Variants in PPP1R9A observed in about 807,000 individuals in gnomAD.
PPP1R9A encodes the protein neurabin-1.
In PPP1R9A, 59 loss-of-function variants were observed where a neutral mutation model predicts 141.9. The observed-to-expected ratio is 0.42, with a 90% CI of 0.34 to 0.52. PPP1R9A has a LOEUF of 0.52. Ranked by LOEUF, PPP1R9A falls within the 20% of genes least tolerant of loss-of-function variation. The probability of loss-of-function intolerance (pLI) is 0.10; values close to 1 mark genes in which losing one functional copy is unlikely to be tolerated. For missense variants in PPP1R9A, 1,444 were observed against 1,611.9 expected, an observed-to-expected ratio of 0.90 and a Z score of 1.78; for synonymous variants, 500 against 569.7, an observed-to-expected ratio of 0.88 and a Z score of 1.74.
At chr7:95,164,369 T>A (rs1469745041) in intron 5 of PPP1R9A, among the ~76,000 whole-genome samples, 5 of 152,230 alleles carry the variant, frequency 3.3e-5, no homozygotes, top group Non-Finnish European at 7.3e-5. Context: ...ATATGATTTG[T>A]AATCCTTTAT....
intron 2 of PPP1R9A, among the ~76,000 whole-genome samples, chr7:95,075,688 T>A (rs1229664112): frequency 1.3e-5 from 2 of 151,898 alleles, no homozygotes; most frequent in Non-Finnish European, 2.9e-5. Flanking sequence ...ACAAAAAAAA[T>A]TAGCCTGGTG....
chr7:95,159,111 T>C (rs901218178), intron 4 of PPP1R9A, among the ~76,000 whole-genome samples: 1 of 152,192 alleles, frequency 6.6e-6, no homozygotes, highest in Non-Finnish European at 1.5e-5. Flanking sequence ...CAATATTTTA[T>C]TATACCTAAA....
intron 2 of PPP1R9A, among the ~76,000 whole-genome samples, chr7:95,106,222 C>T (rs776451417): frequency 2.0e-5 from 3 of 152,192 alleles, no homozygotes; most frequent in Non-Finnish European, 2.9e-5. Flanking sequence ...AGCATAATTA[C>T]ATGGACTATT....
At chr7:95,153,672 AC>A (rs1829110996) in intron 4 of PPP1R9A, among the ~76,000 whole-genome samples, 1 of 152,234 alleles carries the variant, frequency 6.6e-6, no homozygotes, top group African/African-American at 2.4e-5. Flanking sequence ...TTTATGTGGT[AC>A]ATGTGATATT....
chr7:95,067,460 C>T (rs1813105785), intron 2 of PPP1R9A, among the ~76,000 whole-genome samples: 1 of 152,086 alleles, frequency 6.6e-6, no homozygotes, highest in Non-Finnish European at 1.5e-5. Context: ...TTTGGAATGC[C>T]TAGGGCTGAA....
intron 8 of PPP1R9A, among the ~76,000 whole-genome samples, chr7:95,241,024 C>T (rs1346288249): frequency 2.0e-5 from 3 of 152,072 alleles, no homozygotes. Context: ...TATTTAGGTG[C>T]CTCGTGTCCA....
At chr7:95,027,099 G>A (rs2151780297) in intron 2 of PPP1R9A, among the ~76,000 whole-genome samples, 1 of 152,262 alleles carries the variant, frequency 6.6e-6, no homozygotes, top group African/African-American at 2.4e-5. Flanking sequence ...GAATGGTTCT[G>A]TCTTGCTGGT....
intron 19 of PPP1R9A, 46 bp from the exon 20 acceptor site, chr7:95,290,045 G>A: frequency 6.2e-7 from 1 of 1,605,100 alleles, no homozygotes; most frequent in Non-Finnish European, 8.5e-7. Flanking sequence ...CCATCAGAGG[G>A]CTCATTGGTT....
intron 5 of PPP1R9A, among the ~76,000 whole-genome samples, chr7:95,195,666 A>G (rs1048819970): frequency 6.6e-6 from 1 of 152,168 alleles, no homozygotes; most frequent in Non-Finnish European, 1.5e-5. Context: ...AGGACGAGTT[A>G]ATAAATAAAT....
intron 2 of PPP1R9A, among the ~76,000 whole-genome samples, chr7:94,934,275 A>T (rs1666850523): frequency 6.6e-6 from 1 of 152,200 alleles, no homozygotes; most frequent in Admixed American, 6.5e-5. Flanking sequence ...TATCAGACTC[A>T]CACTGACAGT....
intron 2 of PPP1R9A, among the ~76,000 whole-genome samples, chr7:94,979,062 G>T (rs1799791715): frequency 6.6e-6 from 1 of 152,166 alleles, no homozygotes; most frequent in Non-Finnish European, 1.5e-5. Flanking sequence ...CCCACAAAGT[G>T]CTGGGATTAT....
intron 7 of PPP1R9A, among the ~76,000 whole-genome samples, chr7:95,224,622 T>C (rs1232414612): frequency 6.6e-6 from 1 of 152,132 alleles, no homozygotes; most frequent in Non-Finnish European, 1.5e-5. Flanking sequence ...AAGAGAAATC[T>C]GAAGGCAATT....
intron 2 of PPP1R9A, among the ~76,000 whole-genome samples, chr7:94,956,850 C>A (rs976362972): frequency 1.5e-4 from 23 of 152,088 alleles, no homozygotes; most frequent in African/African-American, 5.6e-4. Context: ...TAGAAATCAA[C>A]CAGATGAGCT....
chr7:94,957,954 T>C (rs1797241148), intron 2 of PPP1R9A, among the ~76,000 whole-genome samples: 1 of 152,136 alleles, frequency 6.6e-6, no homozygotes, highest in Admixed American at 6.6e-5. Context: ...AGCTTTCTAA[T>C]CTACTCATTT....
chr7:95,259,011 A>G (rs1021616894), intron 12 of PPP1R9A, among the ~76,000 whole-genome samples: 1 of 152,220 alleles, frequency 6.6e-6, no homozygotes, highest in Non-Finnish European at 1.5e-5. Context: ...CATTGTTTGT[A>G]TAGCTGCAGT....
intron 8 of PPP1R9A, among the ~76,000 whole-genome samples, chr7:95,230,543 A>G (rs1456243274): frequency 6.6e-6 from 1 of 152,098 alleles, no homozygotes; most frequent in Non-Finnish European, 1.5e-5. Flanking sequence ...GTAGAATCAA[A>G]CAAGCAGAAG....
At chr7:95,149,328 A>G (rs73220028) in intron 4 of PPP1R9A, among the ~76,000 whole-genome samples, 18,341 of 152,160 alleles carry the variant, frequency 0.12, 1,231 homozygotes, top group East Asian at 0.19. Context: ...TCCTGCTAAG[A>G]TTAGGAACTA....
At chr7:95,286,149 C>G in intron 17 of PPP1R9A, 57 bp from the exon 18 acceptor site, 1 of 1,598,808 alleles carries the variant, frequency 6.3e-7, no homozygotes, top group Non-Finnish European at 8.5e-7. Context: ...GTAGACACAC[C>G]TACCTCTTGC....
At chr7:95,088,487 A>G (rs970114525) in intron 2 of PPP1R9A, among the ~76,000 whole-genome samples, 1 of 152,008 alleles carries the variant, frequency 6.6e-6, no homozygotes, top group Non-Finnish European at 1.5e-5. Context: ...TAAAGATAGT[A>G]GAGGAAAAAT....
Sources: allele counts gnomAD v4.1 joint callset (sites outside exome capture counted in the v4.1 genomes callset), GRCh38; gene constraint gnomAD v4.1.1; transcripts MANE v1.5; gene names NCBI Gene and HGNC (gene_info 2026-07-23, HGNC 2026-07-21).